PTPRS: variants seen among roughly 807,000 people sequenced by gnomAD.
The protein encoded by PTPRS is receptor-type tyrosine-protein phosphatase S.
A neutral mutation model predicts 215.3 loss-of-function variants in PTPRS; 63 were observed. The ratio of observed to expected loss-of-function variants is 0.29; its 90% CI spans 0.24 to 0.36. The LOEUF (loss-of-function observed/expected upper bound fraction) is 0.36. Ranked by LOEUF, PTPRS falls within the 10% of genes least tolerant of loss-of-function variation. The pLI, the probability that PTPRS is intolerant of heterozygous loss-of-function variation, is 1.00. For synonymous variants in PTPRS, 1,404 were observed against 1,191.4 expected (o/e 1.18, Z -3.68); for missense variants, 2,258 against 2,825.8 (o/e 0.80, Z 4.56).
Position 5,336,235 on chromosome 19 carries a change from TGA to T in PTPRS, c.-95+4427_-95+4428del, listed in dbSNP as rs530916593. On this transcript the variant is annotated intron_variant, in intron 1 of 37. Coordinates refer to ENST00000262963, the MANE Select transcript of PTPRS (RefSeq NM_002850.4). Reference sequence around the variant, plus strand: ...TTTTTTTTTTTCTTCCCTTTTTGGTTGAGAGTCTTTTCTTTCCTTAAAGGAAA... The same window carrying T: ...TTTTTTTTTTTCTTCCCTTTTTGGTTGAGTCTTTTCTTTCCTTAAAGGAAA... Among the ~76,000 whole-genome samples, 431 of 119,962 alleles carry T rather than the reference TGA, an allele frequency of 3.6e-3. 1 individual carries two copies. The highest frequency in any genetic ancestry group is 0.013 in the African/African-American group (408 of 31,478). The allele number at this position is 119,962 out of a possible 152,430, so 78.7% of individuals were successfully genotyped here.
intron 11 of PTPRS, among the ~76,000 whole-genome samples, chr19:5,243,293 G>A (rs1299976048): frequency 1.3e-5 from 2 of 151,500 alleles, no homozygotes; most frequent in African/African-American, 2.4e-5. Context: ...CACCACGGCC[G>A]GCTATTTTTC....
chr19:5,208,069 A>C lies in PTPRS; in HGVS notation c.5643-12T>G, dbSNP rs1394102392. ...TGCCCACGCCGGCACTGGTGGCAGTAAAGTGAGCACAGCCATTCAGGGGCA... is the reference window on the plus strand; with the variant it reads ...TGCCCACGCCGGCACTGGTGGCAGTCAAGTGAGCACAGCCATTCAGGGGCA... On this transcript the variant is annotated splice_polypyrimidine_tract_variant and intron_variant, in intron 36 of 37. Transcript: ENST00000262963. 3 of 1,608,882 alleles carry C rather than the reference A, an allele frequency of 1.9e-6. No homozygotes were observed. The Admixed American group carries it at 5.0e-5, about 27-fold the overall frequency.
intron 16 of PTPRS, among the ~76,000 whole-genome samples, chr19:5,228,345 GAGA>G (rs753351262): frequency 3.0e-5 from 1 of 33,244 alleles, no homozygotes. Flanking sequence ...ACTCCGTCTG[GAGA>G]AAAAAAAAAA....
intron 1 of PTPRS, among the ~76,000 whole-genome samples, chr19:5,329,761 T>C (rs549012367): frequency 7.4e-5 from 10 of 134,790 alleles, no homozygotes; most frequent in African/African-American, 2.8e-4. Flanking sequence ...CAACACTCCA[T>C]CTCCTAAAAA....
chr19:5,303,391 G>C (rs926425759), intron 1 of PTPRS, among the ~76,000 whole-genome samples: 9 of 152,148 alleles, frequency 5.9e-5, no homozygotes, highest in Non-Finnish European at 7.3e-5. Context: ...GGTCACAGCT[G>C]AAACTCCAGC....
chr19:5,333,709 G>A lies in PTPRS; in HGVS notation c.-95+6955C>T, dbSNP rs572530259. 4.6e-5 allele frequency among the ~76,000 whole-genome samples: 7 copies of A among 152,112 alleles called. No homozygotes were observed. The South Asian group carries it at 1.0e-3, about 23-fold the overall frequency. On this transcript the variant is annotated intron_variant, in intron 1 of 37. Coordinates refer to ENST00000262963, the MANE Select transcript of PTPRS (RefSeq NM_002850.4). ...TGTCTCCACTTATGATAGAGGCAAT[G>A]TCAAAGCACCCATTTTACAGATCAG...
rs1368325293 is a variant in PTPRS at position 5,238,962 on chromosome 19, C to T, written c.1806G>A (p.Leu602=). The T allele has an allele frequency of 1.9e-6, 3 of 1,612,184 alleles. No homozygotes were observed. The South Asian group carries it at 3.3e-5, about 18-fold the overall frequency. Residue 602 remains leucine, a synonymous_variant, in exon 13 of 38, where the codon CTG becomes CTA. Transcript: ENST00000262963. The stretch of plus-strand genomic sequence containing the variant: ...GCCGCACCACGGGGGTGAAGGCGCC[C>T]AGGCCCTGCGGCGAGCGGGCCGCCA... ...FRLAARSPQG[L]GAFTPVVRQR... is the part of the protein sequence containing the mutation.
Position 5,220,170 on chromosome 19 carries a change from CAT to C in PTPRS, c.3550-18_3550-17del. On this transcript the variant is annotated splice_polypyrimidine_tract_variant and intron_variant, in intron 21 of 37. Transcript: ENST00000262963. Reference sequence around the variant, plus strand: ...CCTGGATGAGCTGCGGGAACAGAGTCATGGGTGGCTCAGAGCTCAGCTGGGAG... The same window carrying C: ...CCTGGATGAGCTGCGGGAACAGAGTCGGGTGGCTCAGAGCTCAGCTGGGAG... 1.9e-6 allele frequency: 3 copies of C among 1,609,908 alleles called. No homozygotes were observed. Among genetic ancestry groups the C allele is most frequent in the Non-Finnish European group, 2.5e-6 (3 of 1,178,030 alleles).
chr19:5,231,211 C>T (rs889788519), intron 14 of PTPRS, 99 bp downstream of exon 14: 63 of 1,293,722 alleles, frequency 4.9e-5, no homozygotes, highest in Admixed American at 1.3e-4. Context: ...GTGAGGCTTC[C>T]GCCCTTTGAC....
chr19:5,290,327 T>C (rs1568577422), intron 1 of PTPRS, among the ~76,000 whole-genome samples: 1 of 152,192 alleles, frequency 6.6e-6, no homozygotes, highest in Non-Finnish European at 1.5e-5. Flanking sequence ...CGTTTAATCT[T>C]GTGACTGTGT....
At position 5,208,290 on chromosome 19, in the gene PTPRS, C is replaced by A. The variant is rs745675038; in HGVS notation, c.5589G>T (p.Val1863=). 6.2e-7 allele frequency: 1 copy of A among 1,613,736 alleles called. No homozygotes were observed. Among genetic ancestry groups the A allele is most frequent in the African/African-American group, 1.3e-5 (1 of 74,930 alleles). ...GGCCAAACTGCTCCTTAGTCTTATG[C>A]ACTTGGCCAATGAAGTCGATGAAGC... The part of the protein sequence containing the change: ...GEGFIDFIGQ[V]HKTKEQFGQD... Residue 1863 remains valine, a synonymous_variant, in exon 36 of 38, where the codon GTG becomes GTT. Transcript: ENST00000262963.
chr19:5,309,903 G>A (rs2049639164), intron 1 of PTPRS, among the ~76,000 whole-genome samples: 1 of 152,140 alleles, frequency 6.6e-6, no homozygotes, highest in Admixed American at 6.5e-5. Flanking sequence ...GCAACAGCCA[G>A]GGGTCGCCTG....
At chr19:5,270,161 C>G (rs948253328) in intron 4 of PTPRS, among the ~76,000 whole-genome samples, 1 of 152,124 alleles carries the variant, frequency 6.6e-6, no homozygotes, top group African/African-American at 2.4e-5. Context: ...ACTCCGCCCC[C>G]GCTCCTTCCT....
intron 4 of PTPRS, among the ~76,000 whole-genome samples, chr19:5,270,234 A>T (rs2046791505): frequency 6.6e-6 from 1 of 152,122 alleles, no homozygotes; most frequent in Admixed American, 6.5e-5. Flanking sequence ...CTCTTGTTAG[A>T]AAAGTATTAA....
rs796778950 is a variant in PTPRS, at chr19:5,310,689, T to C, written c.-94-24455A>G. ...ATATTTAATCTATTGGCTTTATGGCTTTTGTTTTTTGGGTGTTTCTTGTTT... is the reference window on the plus strand; with the variant it reads ...ATATTTAATCTATTGGCTTTATGGCCTTTGTTTTTTGGGTGTTTCTTGTTT... On this transcript the variant is annotated intron_variant, in intron 1 of 37. Coordinates refer to ENST00000262963, the MANE Select transcript of PTPRS (RefSeq NM_002850.4). 2.4e-4 allele frequency among the ~76,000 whole-genome samples: 37 copies of C among 151,848 alleles called. 2 individuals are homozygous for C. Among genetic ancestry groups the C allele is most frequent in the African/African-American group, 8.4e-4 (35 of 41,426 alleles).
intron 28 of PTPRS, 88 bp from the exon 29 acceptor site, chr19:5,214,824 C>G (rs1000087332): frequency 3.7e-6 from 5 of 1,335,024 alleles, no homozygotes; most frequent in Middle Eastern, 2.3e-4. Context: ...GAAGTTCACT[C>G]TGACCGCTCC....
rs115289670 is a variant in PTPRS at position 5,218,698 on chromosome 19, G to C, written c.3935+89C>G. Reference sequence around the variant, plus strand: ...GTGTACAAGCTGTGGGGGCAGCCGGGCATCCCCTCTCCTGTGGGCACACTA... The same window carrying C: ...GTGTACAAGCTGTGGGGGCAGCCGGCCATCCCCTCTCCTGTGGGCACACTA... On this transcript the variant is annotated intron_variant, in intron 24 of 37. Transcript: ENST00000262963. The C allele has an allele frequency of 4.5e-6, 7 of 1,555,470 alleles. No homozygotes were observed. The South Asian group carries it at 6.7e-5, about 15-fold the overall frequency.
chr19:5,296,048 T>C (rs765214070), intron 1 of PTPRS, among the ~76,000 whole-genome samples: 1 of 152,098 alleles, frequency 6.6e-6, no homozygotes, highest in Non-Finnish European at 1.5e-5. Flanking sequence ...GAGCCCGTAA[T>C]AAGGTTAAGC....
chr19:5,220,189 AG>A (rs1471716471), intron 21 of PTPRS, 35 bp from the exon 22 acceptor site: 1 of 1,608,404 alleles, frequency 6.2e-7, no homozygotes, highest in African/African-American at 1.3e-5. Context: ...CTCAGAGCTC[AG>A]CTGGGAGCAA....
Sources: allele counts gnomAD v4.1 joint callset (sites outside exome capture counted in the v4.1 genomes callset), GRCh38; gene constraint gnomAD v4.1.1; transcripts MANE v1.5; gene names NCBI Gene and HGNC (gene_info 2026-07-23, HGNC 2026-07-21).